Variants in RBFOX1 observed in about 807,000 individuals in gnomAD.
The protein encoded by RBFOX1 is RNA binding protein fox-1 homolog 1.
A neutral mutation model predicts 57.7 loss-of-function variants in RBFOX1; 8 were observed. That is an observed-to-expected ratio of 0.14 (90% CI 0.08 to 0.25). The LOEUF is 0.25. Ranked by LOEUF, RBFOX1 falls within the 10% of genes least tolerant of loss-of-function variation. RBFOX1 has a pLI of 1.00. For missense variants in RBFOX1, 611 were observed against 548.5 expected, an observed-to-expected ratio of 1.11 and a Z score of -1.14; for synonymous variants, 326 against 222.4, an observed-to-expected ratio of 1.47 and a Z score of -4.15.
At position 5,565,553 on chromosome 16, in the gene RBFOX1, A is replaced by T. The variant is rs558304831; in HGVS notation, c.259-33349A>T. Among the ~76,000 whole-genome samples, 6 of 152,114 alleles carry T rather than the reference A, an allele frequency of 3.9e-5. No homozygotes were observed. The East Asian group carries it at 1.2e-3, about 30-fold the overall frequency. On this transcript the variant is annotated intron_variant, in intron 2 of 2. Coordinates refer to the RBFOX1 transcript ENST00000585867. Reference sequence around the variant, plus strand: ...GGCAGGAGAATCACTTGAACCCGGGAGGCGGAGTTCGTGGTGAGCTGAGAT... The same window carrying T: ...GGCAGGAGAATCACTTGAACCCGGGTGGCGGAGTTCGTGGTGAGCTGAGAT...
chr16:5,435,208 G>A (rs1347785380), intron 1 of RBFOX1, among the ~76,000 whole-genome samples: 1 of 152,160 alleles, frequency 6.6e-6, no homozygotes, highest in Non-Finnish European at 1.5e-5. Flanking sequence ...TCAAGTAGCT[G>A]GTGATGGGTG....
At chr16:6,583,544 A>G (rs570273979) in intron 2 of RBFOX1, among the ~76,000 whole-genome samples, 7 of 152,334 alleles carry the variant, frequency 4.6e-5, no homozygotes, top group African/African-American at 1.4e-4. Context: ...CTTTCTTCCA[A>G]GTAATTGGGA....
At chr16:6,404,491 G>A (rs536288308) in intron 2 of RBFOX1, among the ~76,000 whole-genome samples, 69 of 152,260 alleles carry the variant, frequency 4.5e-4, no homozygotes, top group Non-Finnish European at 7.1e-4. Flanking sequence ...AAAAGAGTAC[G>A]CATTTGTAGT....
chr16:5,719,367 A>G (rs62014071), intron 3 of RBFOX1, among the ~76,000 whole-genome samples: 94 of 142,018 alleles, frequency 6.6e-4, no homozygotes, highest in Non-Finnish European at 1.2e-3. Context: ...ATGCCCGGCT[A>G]ATTTTTTTTT....
intron 1 of RBFOX1, among the ~76,000 whole-genome samples, chr16:6,291,596 C>T (rs543919998): frequency 6.6e-6 from 1 of 152,310 alleles, no homozygotes; most frequent in East Asian, 1.9e-4. Flanking sequence ...TACATACCTC[C>T]CTCACCTCTT....
rs149613024 is a variant in RBFOX1 at position 6,353,610 on chromosome 16, G to C, written c.-64+36553G>C. ...ATGCATTGCTTGTGGGGGATTCAAA[G>C]ACTTATCTAAGATTCCTTTGAATTC... is the stretch of plus-strand genomic sequence containing the variant. On this transcript the variant is annotated intron_variant, in intron 2 of 15. Transcript: ENST00000550418. Among the ~76,000 whole-genome samples the C allele has an allele frequency of 2.1e-3, 316 of 152,174 alleles. 4 individuals are homozygous for C. The highest frequency in any genetic ancestry group is 7.2e-3 in the African/African-American group (298 of 41,508).
At chr16:6,581,928 C>T (rs1177049438) in intron 2 of RBFOX1, among the ~76,000 whole-genome samples, 3 of 152,168 alleles carry the variant, frequency 2.0e-5, no homozygotes, top group Non-Finnish European at 4.4e-5. Context: ...ATAAACCAAT[C>T]GTTATGAAAC....
At chr16:6,251,319 C>T (rs1053703341) in intron 1 of RBFOX1, among the ~76,000 whole-genome samples, 1 of 152,106 alleles carries the variant, frequency 6.6e-6, no homozygotes, top group Admixed American at 6.6e-5. Context: ...GGGGGAAGCC[C>T]TGCTTGTGAC....
intron 3 of RBFOX1, among the ~76,000 whole-genome samples, chr16:6,816,233 C>G (rs2090036348): frequency 6.6e-6 from 1 of 152,122 alleles, no homozygotes; most frequent in Admixed American, 6.6e-5. Flanking sequence ...TGCTTCAGTA[C>G]TGGAGTTCAA....
At chr16:5,599,366 G>C (rs2047292019) in exon 3 of RBFOX1, 1 of 604,374 alleles carries the variant, frequency 1.7e-6, no homozygotes, top group African/African-American at 1.9e-5. Flanking sequence ...AATGCTTACT[G>C]AGTGCTCTGG....
rs147916278 is a variant in RBFOX1, at chr16:6,827,886, G to A, written c.-16+173236G>A. ...AGAGCACTGGGCTATTCTCCTGGGA[G>A]GCAGTAATTCCAGTAGTAATTTGCA... On this transcript the variant is annotated intron_variant, in intron 3 of 15. Coordinates refer to ENST00000550418, the MANE Select transcript of RBFOX1 (RefSeq NM_018723.4). 3.3e-3 allele frequency among the ~76,000 whole-genome samples: 500 copies of A among 152,330 alleles called. 3 individuals carry two copies. The highest frequency in any genetic ancestry group is 0.011 in the African/African-American group (477 of 41,576).
intron 2 of RBFOX1, among the ~76,000 whole-genome samples, chr16:5,567,388 A>G (rs995841595): frequency 2.0e-5 from 3 of 152,162 alleles, no homozygotes; most frequent in African/African-American, 7.2e-5. Flanking sequence ...CTCACTCTTA[A>G]GTATAGTAAT....
chr16:6,591,209 GC>G (rs1164447869), intron 2 of RBFOX1, among the ~76,000 whole-genome samples: 7 of 152,176 alleles, frequency 4.6e-5, no homozygotes, highest in African/African-American at 1.7e-4. Flanking sequence ...GCTTTGGGAG[GC>G]CAAGGAGGGT....
chr16:6,627,326 C>G (rs560771328), intron 2 of RBFOX1, among the ~76,000 whole-genome samples: 3 of 152,306 alleles, frequency 2.0e-5, no homozygotes, highest in South Asian at 2.1e-4. Flanking sequence ...CTTACCTACT[C>G]TAGGTGAGCT....
chr16:6,617,905 G>A (rs1261794369), intron 2 of RBFOX1, among the ~76,000 whole-genome samples: 1 of 152,108 alleles, frequency 6.6e-6, no homozygotes, highest in African/African-American at 2.4e-5. Flanking sequence ...TGGGGGCAGG[G>A]GTAACAGCAA....
intron 3 of RBFOX1, among the ~76,000 whole-genome samples, chr16:6,990,383 G>A (rs1290286527): frequency 6.6e-6 from 1 of 152,070 alleles, no homozygotes; most frequent in Non-Finnish European, 1.5e-5. Context: ...AAGTTAGCCG[G>A]TAGTGGTGGC....
intron 2 of RBFOX1, among the ~76,000 whole-genome samples, chr16:6,350,292 C>T (rs182962262): frequency 4.0e-5 from 6 of 151,410 alleles, no homozygotes; most frequent in Admixed American, 6.6e-5. Flanking sequence ...CAAAATTAGC[C>T]GGGTGTGGTT....
chr16:6,481,966 GA>G (rs1441293842), intron 2 of RBFOX1, among the ~76,000 whole-genome samples: 2 of 152,144 alleles, frequency 1.3e-5, no homozygotes, highest in East Asian at 3.8e-4. Context: ...GACAAAGATG[GA>G]TGATGGTTAC....
intron 4 of RBFOX1, among the ~76,000 whole-genome samples, chr16:7,266,250 C>G (rs773671789): frequency 6.6e-6 from 1 of 151,960 alleles, no homozygotes; most frequent in African/African-American, 2.4e-5. Context: ...GCTGGGATTA[C>G]AGGTGTGAGC....
Sources: allele counts gnomAD v4.1 joint callset (sites outside exome capture counted in the v4.1 genomes callset), GRCh38; gene constraint gnomAD v4.1.1; transcripts MANE v1.5; gene names NCBI Gene and HGNC (gene_info 2026-07-23, HGNC 2026-07-21).